SH3GL2: variants seen among roughly 807,000 people sequenced by gnomAD.
The protein encoded by SH3GL2 is SH3 domain containing GRB2 like 2, endophilin A1, also known as endophilin-A1.
SH3GL2 carries 24 observed loss-of-function variants against 46.0 expected under a neutral mutation model. The ratio of observed to expected loss-of-function variants is 0.52; its 90% CI spans 0.38 to 0.73. The LOEUF (loss-of-function observed/expected upper bound fraction) is 0.73, where lower values mean the gene tolerates loss of function less well. Among genes scored for constraint, SH3GL2 ranks in the 30% least tolerant of loss-of-function variants. SH3GL2 has a pLI of 0.00. For synonymous variants in SH3GL2, 196 were observed against 147.1 expected (o/e 1.33, Z -2.40); for missense variants, 413 against 424.2 (o/e 0.97, Z 0.23).
At chr9:17,733,026 TGCTGCCTTCCCCAC>T (rs937100985) in intron 1 of SH3GL2, among the ~76,000 whole-genome samples, 1 of 152,104 alleles carries the variant, frequency 6.6e-6, no homozygotes, top group African/African-American at 2.4e-5. Context: ...TTCTTACTGC[TGCTGCCTTCCCCAC>T]TCTTCAGCAC....
chr9:17,694,465 C>G (rs1327963682), intron 1 of SH3GL2, among the ~76,000 whole-genome samples: 2 of 152,056 alleles, frequency 1.3e-5, no homozygotes, highest in African/African-American at 2.4e-5. Context: ...TTTTATAATA[C>G]CCAGATCGCT....
Position 17,795,497 on chromosome 9 carries a change from C to A in SH3GL2, c.860-47C>A, listed in dbSNP as rs574795384. On this transcript the variant is annotated intron_variant, in intron 8 of 8. Coordinates refer to ENST00000380607, the MANE Select transcript of SH3GL2 (RefSeq NM_003026.5). ...GCAGCAGATTCTGTGAGTTAAATAC[C>A]CCTTATCCTTTTGTGTTCTTCTCTT... The A allele has an allele frequency of 2.7e-6, 4 of 1,493,324 alleles. No homozygotes were observed. The African/African-American group carries it at 5.5e-5, about 21-fold the overall frequency. The allele number at this position is 1,493,324 out of a possible 1,614,324, so 92.5% of individuals were successfully genotyped here. A position where few individuals can be genotyped will look rare whatever the true frequency, so the allele number is the denominator to read the frequency against.
chr9:17,789,372 C>A lies in SH3GL2; in HGVS notation c.466-20C>A. On this transcript the variant is annotated intron_variant, in intron 5 of 8. Coordinates refer to ENST00000380607, the MANE Select transcript of SH3GL2 (RefSeq NM_003026.5). ...TCCATAAGCCCTTTCAAAGCCTATT[C>A]CTGCCCTTGACTTTTGCAGCATCAT... The A allele has an allele frequency of 6.2e-7, 1 of 1,610,292 alleles. No individual in the cohort carries two copies. The highest frequency in any genetic ancestry group is 8.5e-7 in the Non-Finnish European group (1 of 1,177,086).
At chr9:17,700,048 G>C (rs936522617) in intron 1 of SH3GL2, among the ~76,000 whole-genome samples, 6 of 144,758 alleles carry the variant, frequency 4.1e-5, no homozygotes, top group African/African-American at 1.6e-4. Flanking sequence ...GATGATCTCT[G>C]TGCAAGAAGA....
chr9:17,767,493 T>A (rs893627542), intron 3 of SH3GL2, among the ~76,000 whole-genome samples: 1 of 152,232 alleles, frequency 6.6e-6, no homozygotes, highest in African/African-American at 2.4e-5. Flanking sequence ...CATGTATTAC[T>A]TGGCATTCAT....
intron 1 of SH3GL2, among the ~76,000 whole-genome samples, chr9:17,662,609 C>G (rs746483637): frequency 6.6e-6 from 1 of 152,122 alleles, no homozygotes; most frequent in Admixed American, 6.5e-5. Flanking sequence ...ATGTTTGACC[C>G]CGTCTTTTGG....
chr9:17,758,372 C>CCT (rs750578717), intron 2 of SH3GL2, among the ~76,000 whole-genome samples: 4 of 151,634 alleles, frequency 2.6e-5, no homozygotes, highest in Non-Finnish European at 4.4e-5. Flanking sequence ...ACCAGCCTGA[C>CCT]CAACATGGCA....
chr9:17,708,914 C>T (rs1821546468), intron 1 of SH3GL2, among the ~76,000 whole-genome samples: 1 of 152,124 alleles, frequency 6.6e-6, no homozygotes, highest in East Asian at 1.9e-4. Context: ...TTAGGTTTCA[C>T]TTAAGAATTC....
intron 1 of SH3GL2, among the ~76,000 whole-genome samples, chr9:17,593,194 C>T (rs902274838): frequency 3.3e-5 from 5 of 152,116 alleles, no homozygotes; most frequent in African/African-American, 1.2e-4. Context: ...CCCTGAGTTC[C>T]GTGTGCTGCT....
chr9:17,629,406 C>T (rs903760837), intron 1 of SH3GL2, among the ~76,000 whole-genome samples: 1 of 152,158 alleles, frequency 6.6e-6, no homozygotes, highest in South Asian at 2.1e-4. Flanking sequence ...CTCTGAAATA[C>T]TTATTGAATG....
At position 17,699,326 on chromosome 9, in the gene SH3GL2, A is replaced by G. The variant is rs565218872; in HGVS notation, c.46-47740A>G. On this transcript the variant is annotated intron_variant, in intron 1 of 8. Coordinates refer to ENST00000380607, the MANE Select transcript of SH3GL2 (RefSeq NM_003026.5). ...AGCATGAACTGTTGCATAGCATTCA[A>G]GGTGAAGGAAACAAGCAGTCACAGC... 3.3e-5 allele frequency among the ~76,000 whole-genome samples: 5 copies of G among 152,262 alleles called. No homozygotes were observed. In the East Asian group the frequency reaches 9.7e-4, roughly 29 times the overall value.
intron 1 of SH3GL2, among the ~76,000 whole-genome samples, chr9:17,678,341 A>G (rs563292623): frequency 6.6e-6 from 1 of 152,104 alleles, no homozygotes; most frequent in Non-Finnish European, 1.5e-5. Context: ...CTGGTATGAG[A>G]TGGTATCTCA....
At chr9:17,696,290 A>G (rs937232790) in intron 1 of SH3GL2, among the ~76,000 whole-genome samples, 3 of 152,160 alleles carry the variant, frequency 2.0e-5, no homozygotes, top group Non-Finnish European at 4.4e-5. Context: ...TGAATATTTC[A>G]GATTTATGTT....
chr9:17,757,022 C>G (rs1293240947), intron 2 of SH3GL2, among the ~76,000 whole-genome samples: 2 of 152,180 alleles, frequency 1.3e-5, no homozygotes, highest in Non-Finnish European at 2.9e-5. Flanking sequence ...ACCATTCTAA[C>G]TGGTGTGAGA....
chr9:17,614,858 A>C (rs1160340648), intron 1 of SH3GL2, among the ~76,000 whole-genome samples: 1 of 152,178 alleles, frequency 6.6e-6, no homozygotes, highest in East Asian at 1.9e-4. Context: ...GGCTGATGGA[A>C]ACACTAGCAT....
chr9:17,746,115 C>A (rs1445358834), intron 1 of SH3GL2, among the ~76,000 whole-genome samples: 1 of 152,148 alleles, frequency 6.6e-6, no homozygotes, highest in African/African-American at 2.4e-5. Flanking sequence ...CTCGCTGTCG[C>A]CCAGGCTGGA....
chr9:17,623,033 T>G (rs1819187516), intron 1 of SH3GL2, among the ~76,000 whole-genome samples: 1 of 108,798 alleles, frequency 9.2e-6, no homozygotes, highest in Non-Finnish European at 1.9e-5. Context: ...TTCCTTTCCT[T>G]TCCTTTCCTT....
intron 1 of SH3GL2, among the ~76,000 whole-genome samples, chr9:17,667,444 C>A (rs750039168): frequency 2.0e-5 from 3 of 152,160 alleles, no homozygotes; most frequent in Admixed American, 2.0e-4. Context: ...TTTTTTATGT[C>A]TGGCTTCTTT....
chr9:17,634,675 C>T (rs1198997057), intron 1 of SH3GL2, among the ~76,000 whole-genome samples: 2 of 152,192 alleles, frequency 1.3e-5, no homozygotes, highest in African/African-American at 4.8e-5. Flanking sequence ...TTCTCTTAAC[C>T]TGTGACTTGG....
Sources: allele counts gnomAD v4.1 joint callset (sites outside exome capture counted in the v4.1 genomes callset), GRCh38; gene constraint gnomAD v4.1.1; transcripts MANE v1.5; gene names NCBI Gene and HGNC (gene_info 2026-07-23, HGNC 2026-07-21).